Variants in DGKB observed in about 807,000 individuals in gnomAD.
The protein encoded by DGKB is 90 kDa diacylglycerol kinase.
In DGKB, 67 loss-of-function variants were observed where a neutral mutation model predicts 114.3. The observed-to-expected ratio is 0.59, with a 90% CI of 0.48 to 0.72. DGKB has a LOEUF of 0.72. Ranked by LOEUF, DGKB falls within the 30% of genes least tolerant of loss-of-function variation. The pLI, the probability that DGKB is intolerant of heterozygous loss-of-function variation, is 0.00. For missense variants in DGKB, 907 were observed against 975.2 expected (o/e 0.93, Z 0.93); for synonymous variants, 398 against 323.1 (o/e 1.23, Z -2.49).
intron 12 of DGKB, among the ~76,000 whole-genome samples, chr7:14,674,739 A>G (rs1563870853): frequency 6.6e-6 from 1 of 152,130 alleles, no homozygotes; most frequent in Non-Finnish European, 1.5e-5. Context: ...CTGATAACAT[A>G]GGTCGATATC....
At chr7:14,643,353 G>T (rs993884069) in intron 13 of DGKB, among the ~76,000 whole-genome samples, 1 of 98,818 alleles carries the variant, frequency 1.0e-5, no homozygotes, top group Admixed American at 1.3e-4. Flanking sequence ...TGACTGTATT[G>T]TTCCAGAGAG....
rs58040824 is a variant in DGKB at position 14,154,847 on chromosome 7, CT to C, written c.2305-5610del. Among the ~76,000 whole-genome samples, 863 of 143,206 alleles carry C rather than the reference CT, an allele frequency of 6.0e-3. 7 individuals carry two copies. The highest frequency in any genetic ancestry group is 0.011 in the African/African-American group (423 of 38,876). 93.9% of individuals were successfully genotyped at this position (143,206 alleles called of 152,430 possible). On this transcript the variant is annotated intron_variant, in intron 25 of 25. Transcript: ENST00000402815. ...TTTTCTTGCAAGTCTATACATTCTG[CT>C]TTTTTTTTTTTTCGTTACACGTGCA... is the stretch of plus-strand genomic sequence containing the variant.
chr7:14,684,661 C>A (rs1312162800), intron 10 of DGKB, among the ~76,000 whole-genome samples: 1 of 151,952 alleles, frequency 6.6e-6, no homozygotes, highest in Non-Finnish European at 1.5e-5. Flanking sequence ...TTAAAATGGC[C>A]ACGACTCATT....
chr7:14,610,419 C>G (rs1805334168), intron 16 of DGKB, among the ~76,000 whole-genome samples: 1 of 151,986 alleles, frequency 6.6e-6, no homozygotes, highest in Admixed American at 6.6e-5. Context: ...AAAAAACTAC[C>G]TGTTGGGTAC....
rs943717915 is a variant in DGKB at position 14,933,109 on chromosome 7, A to C, written c.-188+41587T>G. ...ACTCCCACCTTTGTTGTCACAGAGC[A>C]TATTATAAAAATGATGAACCTGGCA... On this transcript the variant is annotated intron_variant, in intron 1 of 4. Coordinates refer to the DGKB transcript ENST00000437998. 2.6e-5 allele frequency among the ~76,000 whole-genome samples: 4 copies of C among 152,182 alleles called. No individual in the cohort carries two copies. In the East Asian group the frequency reaches 7.7e-4, roughly 29 times the overall value.
chr7:14,723,075 A>G (rs893625318), intron 5 of DGKB, among the ~76,000 whole-genome samples: 3 of 146,896 alleles, frequency 2.0e-5, no homozygotes, highest in African/African-American at 7.5e-5. Context: ...CTCACTACTT[A>G]TCTTCCTCGA....
intron 21 of DGKB, among the ~76,000 whole-genome samples, chr7:14,430,981 C>T (rs1011865436): frequency 7.9e-5 from 12 of 152,128 alleles, no homozygotes. Flanking sequence ...AGGAATTTCC[C>T]TCTGAAGTAT....
intron 1 of DGKB, among the ~76,000 whole-genome samples, chr7:14,951,046 A>G (rs1562898487): frequency 6.6e-6 from 1 of 152,032 alleles, no homozygotes; most frequent in Non-Finnish European, 1.5e-5. Context: ...TCTACTAATC[A>G]TGCTTTCATG....
chr7:14,778,663 C>T (rs959858659), intron 2 of DGKB, among the ~76,000 whole-genome samples: 3 of 151,978 alleles, frequency 2.0e-5, no homozygotes, highest in African/African-American at 7.3e-5. Context: ...AAAAACATAC[C>T]TAAACTAAGA....
At chr7:14,248,654 T>C (rs1355085602) in intron 23 of DGKB, among the ~76,000 whole-genome samples, 1 of 152,090 alleles carries the variant, frequency 6.6e-6, no homozygotes, top group Admixed American at 6.6e-5. Context: ...GTAGTTCCTT[T>C]TCAGTTTATA....
chr7:14,169,361 T>G (rs1780493075), intron 25 of DGKB, among the ~76,000 whole-genome samples: 1 of 99,826 alleles, frequency 1.0e-5, no homozygotes, highest in Non-Finnish European at 2.2e-5. Flanking sequence ...CGAGACTCCG[T>G]CTCAAAAAAA....
At chr7:14,630,502 A>G (rs1809481885) in intron 13 of DGKB, among the ~76,000 whole-genome samples, 1 of 152,130 alleles carries the variant, frequency 6.6e-6, no homozygotes, top group East Asian at 1.9e-4. Flanking sequence ...CCAAAACACA[A>G]CTTCATCTAC....
At chr7:14,704,279 CAA>C (rs59838670) in intron 6 of DGKB, among the ~76,000 whole-genome samples, 8,342 of 103,490 alleles carry the variant, frequency 0.081, 910 homozygotes, top group African/African-American at 0.26. Flanking sequence ...ACTAAAAATA[CAA>C]AAAAAAAAAA....
At chr7:14,331,768 C>T (rs574621980) in intron 23 of DGKB, among the ~76,000 whole-genome samples, 50 of 152,248 alleles carry the variant, frequency 3.3e-4, no homozygotes, top group African/African-American at 9.1e-4. Flanking sequence ...CTTTCACAGA[C>T]GTCAGCTCAT....
intron 1 of DGKB, among the ~76,000 whole-genome samples, chr7:14,884,032 T>C (rs1854642092): frequency 6.6e-6 from 1 of 151,964 alleles, no homozygotes; most frequent in African/African-American, 2.4e-5. Flanking sequence ...AATCTTAAGG[T>C]GTCCTTCTAG....
intron 23 of DGKB, among the ~76,000 whole-genome samples, chr7:14,232,573 G>A (rs562270983): frequency 1.3e-5 from 2 of 151,884 alleles, no homozygotes; most frequent in South Asian, 4.2e-4. Flanking sequence ...TGAACCAAAT[G>A]CATCTCAAAA....
At chr7:14,948,764 A>G (rs898660405) in intron 1 of DGKB, among the ~76,000 whole-genome samples, 5 of 151,896 alleles carry the variant, frequency 3.3e-5, no homozygotes, top group African/African-American at 1.2e-4. Flanking sequence ...AAGAAGGAGA[A>G]TCAACAAAAA....
chr7:14,947,076 A>T (rs1785925517), intron 1 of DGKB, among the ~76,000 whole-genome samples: 1 of 150,088 alleles, frequency 6.7e-6, no homozygotes, highest in African/African-American at 2.5e-5. Context: ...GGGAGAAAAT[A>T]AAAAAAAGAA....
At chr7:14,775,876 C>T (rs973675817) in intron 2 of DGKB, among the ~76,000 whole-genome samples, 20 of 151,908 alleles carry the variant, frequency 1.3e-4, no homozygotes, top group South Asian at 4.2e-4. Context: ...TAAAGATATC[C>T]GAAAATGTGG....
Sources: gnomAD v4.1 joint callset for allele counts (sites outside exome capture counted in the v4.1 genomes callset) on GRCh38, gnomAD v4.1.1 for gene constraint, MANE v1.5 for transcripts, NCBI Gene and HGNC (gene_info 2026-07-23, HGNC 2026-07-21) for gene names.